RBM24: variants seen among roughly 807,000 people sequenced by gnomAD.
RBM24 encodes RNA-binding protein 24.
RBM24 carries 5 observed loss-of-function variants against 23.6 expected under a neutral mutation model. The ratio of observed to expected loss-of-function variants is 0.21; its 90% confidence interval spans 0.11 to 0.45. The LOEUF (loss-of-function observed/expected upper bound fraction) is 0.45, where lower values mean the gene tolerates loss of function less well. Among genes scored for constraint, RBM24 ranks in the 20% least tolerant of loss-of-function variants. RBM24 has a pLI of 0.99. For missense variants in RBM24, 252 were observed against 314.6 expected (o/e 0.80, Z 1.51); for synonymous variants, 151 against 129.5 (o/e 1.17, Z -1.13).
chr6:17,286,398 T>C (rs542325643), intron 3 of RBM24, among the ~76,000 whole-genome samples: 1 of 152,264 alleles, frequency 6.6e-6, no homozygotes, highest in African/African-American at 2.4e-5. Flanking sequence ...AGCATATATC[T>C]GAAGGTGTGA....
chr6:17,282,284 C>G, intron 1 of RBM24: 1 of 1,275,182 alleles, frequency 7.8e-7, no homozygotes, highest in Non-Finnish European at 1.0e-6. Context: ...TATTAAGCTT[C>G]CTTCCTAGAG....
Position 17,292,248 on chromosome 6 carries a change from C to A in RBM24, c.*129C>A. The A allele has an allele frequency of 1.1e-6, 1 of 910,516 alleles. No homozygotes were observed. Among genetic ancestry groups the A allele is most frequent in the Non-Finnish European group, 1.6e-6 (1 of 639,546 alleles). 56.4% of individuals were successfully genotyped at this position (910,516 alleles called of 1,614,324 possible). ...AAAAAACAGCCATGCTATTGTGAAG[C>A]AGAGTTATTATTTTTTTTATACTCC... On this transcript the variant is annotated 3_prime_UTR_variant, in exon 4 of 4. Coordinates refer to ENST00000379052, the MANE Select transcript of RBM24 (RefSeq NM_001143942.2).
chr6:17,286,754 C>T (rs1447236388), intron 3 of RBM24, among the ~76,000 whole-genome samples: 3 of 152,088 alleles, frequency 2.0e-5, no homozygotes, highest in Non-Finnish European at 2.9e-5. Flanking sequence ...CTGGATATGT[C>T]TGGAGGGTAT....
At position 17,292,038 on chromosome 6, in the gene RBM24, C is replaced by T. The variant is rs367569944; in HGVS notation, c.630C>T (p.Ala210=). 255 of 1,596,450 alleles carry T rather than the reference C, an allele frequency of 1.6e-4. No homozygotes were observed. Among genetic ancestry groups the T allele is most frequent in the Non-Finnish European group, 2.0e-4 (240 of 1,175,508 alleles). The change falls in exon 4 of 4, where the codon GCC becomes GCT. Residue 210 remains alanine (A), a synonymous_variant. Transcript: ENST00000379052. ...PITAAAPGTA[A]AAAAAAAAAA... is the part of the protein sequence containing the mutation. ...CCGCAGCGGCACCTGGGACAGCTGC[C>T]GCCGCCGCTGCAGCAGCTGCTGCCG...
Position 17,281,888 on chromosome 6 carries a change from T to C in RBM24, c.168+139T>C. ...GCGGCGCTGCCCCTTCGCTCCGGGG[T>C]GAACTGAAACTTTGCTAGGGGAGAG... On this transcript the variant is annotated intron_variant, in intron 1 of 3. Coordinates refer to ENST00000379052, the MANE Select transcript of RBM24 (RefSeq NM_001143942.2). The surrounding 1 kb of genome is among the most constrained non-coding windows in gnomAD (Gnocchi z 7.1). 7.3e-7 allele frequency: 1 copy of C among 1,365,356 alleles called. No homozygotes were observed. The highest frequency in any genetic ancestry group is 1.5e-5 in the African/African-American group (1 of 67,248). 84.6% of individuals were successfully genotyped at this position (1,365,356 alleles called of 1,614,324 possible).
intron 3 of RBM24, chr6:17,290,821 CA>C (rs1760335256): frequency 7.8e-7 from 1 of 1,286,418 alleles, no homozygotes; most frequent in Non-Finnish European, 1.0e-6. Context: ...ATCATTTCCC[CA>C]AAACCCCTTC....
rs541106769 is a variant in RBM24 at position 17,282,166 on chromosome 6, A to G, written c.168+417A>G. ...GGCTGGGGCAGGGAGGGGACACCCC[A>G]CGAGGTCTGGGGCTGTTGCCCTTGT... is the stretch of plus-strand genomic sequence containing the variant. On this transcript the variant is annotated intron_variant, in intron 1 of 3. Transcript: ENST00000379052. The G allele has an allele frequency of 5.6e-4, 700 of 1,257,650 alleles. 2 individuals carry two copies. In the African/African-American group the frequency reaches 7.3e-3, roughly 13 times the overall value. The allele number at this position is 1,257,650 out of a possible 1,614,324, so 77.9% of individuals were successfully genotyped here.
In RBM24 at chr6:17,281,920, C is replaced by T. The variant is rs1181767807; in HGVS notation, c.168+171C>T. On this transcript the variant is annotated intron_variant, in intron 1 of 3. Coordinates refer to ENST00000379052, the MANE Select transcript of RBM24 (RefSeq NM_001143942.2). The surrounding 1 kb of genome is among the most constrained non-coding windows in gnomAD (Gnocchi z 7.1). Reference sequence around the variant, plus strand: ...AAACTTTGCTAGGGGAGAGGGTCGGCGCCAGCCTCGCGGGGTTCGGAGAAG... The same window carrying T: ...AAACTTTGCTAGGGGAGAGGGTCGGTGCCAGCCTCGCGGGGTTCGGAGAAG... 4.5e-6 allele frequency: 6 copies of T among 1,321,330 alleles called. No individual in the cohort carries two copies. The highest frequency in any genetic ancestry group is 6.1e-6 in the Non-Finnish European group (6 of 985,328). 81.9% of individuals were successfully genotyped at this position (1,321,330 alleles called of 1,614,324 possible).
rs1760409871 is a variant in RBM24 at position 17,292,720 on chromosome 6, G to A, written c.*601G>A. On this transcript the variant is annotated 3_prime_UTR_variant, in exon 4 of 4. Coordinates refer to ENST00000379052, the MANE Select transcript of RBM24 (RefSeq NM_001143942.2). Reference sequence around the variant, plus strand: ...GGTAAAATGGTGGACAGGCACCAAAGCTATTTTCTCATCTGTCCTGTGGAT... The same window carrying A: ...GGTAAAATGGTGGACAGGCACCAAAACTATTTTCTCATCTGTCCTGTGGAT... The A allele has an allele frequency of 2.0e-5, 3 of 152,642 alleles. No homozygotes were observed. In the South Asian group the frequency reaches 6.2e-4, roughly 32 times the overall value. The allele number at this position is 152,642 out of a possible 1,614,324, so 9.5% of individuals were successfully genotyped here. A position where few individuals can be genotyped will look rare whatever the true frequency, so the allele number is the denominator to read the frequency against.
chr6:17,291,593 C>CT (rs1216072512), intron 3 of RBM24, among the ~76,000 whole-genome samples, 163 bp from the exon 4 acceptor site: 1 of 152,164 alleles, frequency 6.6e-6, no homozygotes, highest in Non-Finnish European at 1.5e-5. Flanking sequence ...CACTCTATGA[C>CT]TTTGGCTACT....
Position 17,282,898 on chromosome 6 carries a change from T to G in RBM24, c.262T>G (p.Leu88Val). 6.2e-7 allele frequency: 1 copy of G among 1,614,072 alleles called. No individual in the cohort carries two copies. The highest frequency in any genetic ancestry group is 1.7e-5 in the Admixed American group (1 of 60,008). ...GRKANVNLAY[L>V]GAKPRIMQPG... ...AAAGGCCAACGTGAACCTGGCATAC[T>G]TAGGAGCAAAACCAAGGATCATGCA... Residue 88 changes from leucine (L) to valine (V), a missense_variant, in exon 2 of 4, where the codon TTA becomes GTA. Physicochemically the swap from Leu to Val is conservative, Grantham distance 32 (BLOSUM62 1). Coordinates refer to ENST00000379052, the MANE Select transcript of RBM24 (RefSeq NM_001143942.2).
At chr6:17,284,779 A>G (rs748675531) in intron 3 of RBM24, 68 bp downstream of exon 3, 271 of 1,145,942 alleles carry the variant, frequency 2.4e-4, no homozygotes, top group Non-Finnish European at 3.4e-4. Flanking sequence ...CCTCTTTGTT[A>G]TATACAGATA....
chr6:17,291,561 TG>T (rs1760357774), intron 3 of RBM24, among the ~76,000 whole-genome samples, 194 bp from the exon 4 acceptor site: 1 of 151,892 alleles, frequency 6.6e-6, no homozygotes, highest in Non-Finnish European at 1.5e-5. Flanking sequence ...ATCATATTTT[TG>T]GGGTCCAGTT....
chr6:17,284,828 T>TTA (rs1760145700), intron 3 of RBM24, 117 bp downstream of exon 3: 1 of 654,348 alleles, frequency 1.5e-6, no homozygotes, highest in Non-Finnish European at 2.5e-6. Context: ...TTATACAATT[T>TTA]TATATATATT....
chr6:17,290,890 A>C, intron 3 of RBM24: 1 of 1,289,118 alleles, frequency 7.8e-7, no homozygotes, highest in Non-Finnish European at 1.0e-6. Context: ...TGATAGTCAA[A>C]CAGGTTTGGT....
In RBM24 at chr6:17,281,454, C is replaced by T. The variant is rs1374855232; in HGVS notation, c.-128C>T. The T allele has an allele frequency of 1.4e-6, 1 of 690,082 alleles. No individual in the cohort carries two copies. The highest frequency in any genetic ancestry group is 6.1e-5 in the Admixed American group (1 of 16,524). 42.7% of individuals were successfully genotyped at this position (690,082 alleles called of 1,614,324 possible). ...GCCCCCGCCGCGCCGCCGCCCTCGC[C>T]CCCGGGCTCGCCCTTGGCCCCCGGC... On this transcript the variant is annotated 5_prime_UTR_variant, in exon 1 of 4. Coordinates refer to ENST00000379052, the MANE Select transcript of RBM24 (RefSeq NM_001143942.2). This position sits in a 1 kb window ranked among gnomAD's most constrained non-coding sequence, Gnocchi z 7.1.
At chr6:17,288,914 G>GAT (rs1760273869) in intron 3 of RBM24, 8 of 985,418 alleles carry the variant, frequency 8.1e-6, no homozygotes, top group Non-Finnish European at 9.6e-6. Context: ...AAATGAATGA[G>GAT]ATGGAGTATT....
In RBM24 at chr6:17,281,772, G is replaced by A. The variant is rs1226826244; in HGVS notation, c.168+23G>A. On this transcript the variant is annotated intron_variant, in intron 1 of 3. Coordinates refer to ENST00000379052, the MANE Select transcript of RBM24 (RefSeq NM_001143942.2). This position sits in a 1 kb window ranked among gnomAD's most constrained non-coding sequence, Gnocchi z 7.1. Reference sequence around the variant, plus strand: ...TTTGTAAGTTGCACGGACTGGGGGTGACGGGGAGGGACGGAGTGGCGGCTG... The same window carrying A: ...TTTGTAAGTTGCACGGACTGGGGGTAACGGGGAGGGACGGAGTGGCGGCTG... The A allele has an allele frequency of 6.5e-7, 1 of 1,545,818 alleles. No individual in the cohort carries two copies. The highest frequency in any genetic ancestry group is 1.2e-5 in the South Asian group (1 of 83,762).
chr6:17,285,283 G>A (rs970398825), intron 3 of RBM24: 3 of 152,154 alleles, frequency 2.0e-5, no homozygotes, highest in Non-Finnish European at 2.9e-5. Context: ...TAGCTAAACT[G>A]TGTGCTTTTT....
Sources: allele counts gnomAD v4.1 joint callset (sites outside exome capture counted in the v4.1 genomes callset), GRCh38; gene constraint gnomAD v4.1.1; non-coding constraint Gnocchi (gnomAD v3.1); transcripts MANE v1.5; gene names NCBI Gene and HGNC (gene_info 2026-07-23, HGNC 2026-07-21).